SUFU: variants seen among roughly 807,000 people sequenced by gnomAD.
SUFU encodes SUFU negative regulator of hedgehog signaling.
SUFU carries 7 observed loss-of-function variants against 58.9 expected under a neutral mutation model. The ratio of observed to expected loss-of-function variants is 0.12; its 90% confidence interval spans 0.07 to 0.22. SUFU has a LOEUF of 0.22. SUFU is among the 10% of genes least tolerant of loss of function. The pLI, the probability that SUFU is intolerant of heterozygous loss-of-function variation, is 1.00. For missense variants in SUFU, 451 were observed against 641.3 expected (o/e 0.70, Z 3.20); for synonymous variants, 232 against 254.8 (o/e 0.91, Z 0.85).
chr10:102,560,296 G>A (rs941970720), intron 3 of SUFU, among the ~76,000 whole-genome samples: 2 of 152,130 alleles, frequency 1.3e-5, no homozygotes, highest in East Asian at 1.9e-4. Context: ...TTGACCAGGC[G>A]CAGTGGCTCA....
intron 2 of SUFU, among the ~76,000 whole-genome samples, chr10:102,547,807 GGAAA>G (rs1438710996): frequency 2.0e-5 from 3 of 151,740 alleles, no homozygotes; most frequent in Non-Finnish European, 2.9e-5. Context: ...ATGCTGTCTC[GGAAA>G]GAAAGAGAGA....
intron 3 of SUFU, among the ~76,000 whole-genome samples, chr10:102,577,065 T>C (rs909429573): frequency 2.7e-5 from 4 of 147,760 alleles, no homozygotes; most frequent in African/African-American, 7.5e-5. Flanking sequence ...AGTAGAAGCA[T>C]GTCCTGGATT....
intron 3 of SUFU, among the ~76,000 whole-genome samples, chr10:102,567,618 A>T (rs553419148): frequency 6.6e-6 from 1 of 152,308 alleles, no homozygotes; most frequent in East Asian, 1.9e-4. Flanking sequence ...TGGACAGATG[A>T]CAGTTGGAGC....
At chr10:102,593,406 A>T (rs1446653438) in intron 4 of SUFU, among the ~76,000 whole-genome samples, 1 of 152,208 alleles carries the variant, frequency 6.6e-6, no homozygotes, top group Non-Finnish European at 1.5e-5. Context: ...ATCCAGACAC[A>T]GCAAGGGCAA....
chr10:102,605,017 T>C (rs1176665882), intron 8 of SUFU, among the ~76,000 whole-genome samples: 1 of 147,476 alleles, frequency 6.8e-6, no homozygotes, highest in Admixed American at 6.9e-5. Context: ...CTGCAACCCC[T>C]GCCTCCTGTG....
At chr10:102,623,060 T>C (rs1201401567) in intron 10 of SUFU, among the ~76,000 whole-genome samples, 1 of 144,680 alleles carries the variant, frequency 6.9e-6, no homozygotes, top group African/African-American at 2.6e-5. Flanking sequence ...ATTCAGGAAG[T>C]GTGAATGGGG....
chr10:102,557,416 C>T (rs1040956907), intron 3 of SUFU, among the ~76,000 whole-genome samples: 4 of 151,906 alleles, frequency 2.6e-5, no homozygotes, highest in Non-Finnish European at 5.9e-5. Context: ...TGAAACCCCA[C>T]AGGGGTAGAG....
Position 102,619,077 on chromosome 10 carries a change from T to C in SUFU, c.1296+1649T>C. ...TTTGACATCCTCAGCTCTGAACCTA[T>C]CCTCGGAGCTCTGCCCTCCCGTCCT... is the stretch of plus-strand genomic sequence containing the variant. On this transcript the variant is annotated intron_variant, in intron 10 of 11. Transcript: ENST00000369902. The surrounding 1 kb of genome is among the most constrained non-coding windows in gnomAD (Gnocchi z 4.2). 2 of 1,612,650 alleles carry C rather than the reference T, an allele frequency of 1.2e-6. No individual in the cohort carries two copies. Among genetic ancestry groups the C allele is most frequent in the Middle Eastern group, 1.7e-4 (1 of 6,060 alleles).
intron 2 of SUFU, among the ~76,000 whole-genome samples, chr10:102,523,481 T>A (rs928497378): frequency 9.2e-5 from 14 of 152,226 alleles, no homozygotes; most frequent in African/African-American, 3.1e-4. Context: ...GCTGGCTGGC[T>A]GTGCTTTTGG....
chr10:102,575,927 T>G (rs1015469879), intron 3 of SUFU, among the ~76,000 whole-genome samples: 5 of 151,950 alleles, frequency 3.3e-5, no homozygotes, highest in Admixed American at 1.3e-4. Flanking sequence ...AGCCTCAACC[T>G]CCCGGGCTCA....
In SUFU at chr10:102,504,090, C is replaced by A; in HGVS notation, c.-63C>A. ...CACCCACCGAGTCCGCCCGCTGGCC[C>A]GTCAGTGCTCTCCCCGTCGTTTGCC... On this transcript the variant is annotated 5_prime_UTR_variant, in exon 1 of 12. Transcript: ENST00000369902. The A allele has an allele frequency of 6.7e-7, 1 of 1,495,658 alleles. No homozygotes were observed. The highest frequency in any genetic ancestry group is 1.3e-5 in the South Asian group (1 of 77,812). The allele number at this position is 1,495,658 out of a possible 1,614,324, so 92.6% of individuals were successfully genotyped here.
intron 10 of SUFU, among the ~76,000 whole-genome samples, chr10:102,622,570 G>A (rs190353708): frequency 2.0e-4 from 30 of 152,090 alleles, no homozygotes; most frequent in Admixed American, 1.4e-3. Flanking sequence ...GTAAAACCCC[G>A]TCTCTACTAA....
intron 11 of SUFU, 24 bp downstream of exon 11, chr10:102,627,267 A>C: frequency 6.2e-7 from 1 of 1,604,026 alleles, no homozygotes; most frequent in Non-Finnish European, 8.5e-7. Context: ...ACTTTTCCTG[A>C]CAACAGGTCC....
chr10:102,575,813 C>T (rs2135814803), intron 3 of SUFU, among the ~76,000 whole-genome samples: 1 of 152,222 alleles, frequency 6.6e-6, no homozygotes, highest in East Asian at 1.9e-4. Flanking sequence ...ATCTTTCCAA[C>T]ATTAAGTATA....
At chr10:102,599,880 A>G (rs1423444340) in intron 8 of SUFU, among the ~76,000 whole-genome samples, 1 of 152,110 alleles carries the variant, frequency 6.6e-6, no homozygotes, top group African/African-American at 2.4e-5. Flanking sequence ...TTCCCTCCTT[A>G]TCTCAGTCTT....
chr10:102,623,026 T>C (rs1466119050), intron 10 of SUFU, among the ~76,000 whole-genome samples: 1 of 148,616 alleles, frequency 6.7e-6, no homozygotes, highest in South Asian at 2.1e-4. Context: ...AGCATGGGCC[T>C]TGGCCTTACC....
Position 102,619,569 on chromosome 10 carries a change from C to T in SUFU, c.1296+2141C>T. On this transcript the variant is annotated intron_variant, in intron 10 of 11. Coordinates refer to ENST00000369902, the MANE Select transcript of SUFU (RefSeq NM_016169.4). The surrounding 1 kb of genome is among the most constrained non-coding windows in gnomAD (Gnocchi z 4.2). Reference sequence around the variant, plus strand: ...AGGCCCCACACCCCAAGCACCCACCCTTGATCACCGAGGGGTTTCTCAGGC... The same window carrying T: ...AGGCCCCACACCCCAAGCACCCACCTTTGATCACCGAGGGGTTTCTCAGGC... The T allele has an allele frequency of 1.0e-6, 1 of 964,304 alleles. No homozygotes were observed. The highest frequency in any genetic ancestry group is 1.3e-6 in the Non-Finnish European group (1 of 786,988). The allele number at this position is 964,304 out of a possible 1,614,324, so 59.7% of individuals were successfully genotyped here. A position where few individuals can be genotyped will look rare whatever the true frequency, so the allele number is the denominator to read the frequency against.
At chr10:102,563,629 G>A (rs895476291) in intron 3 of SUFU, among the ~76,000 whole-genome samples, 14 of 151,802 alleles carry the variant, frequency 9.2e-5, no homozygotes, top group African/African-American at 3.4e-4. Context: ...CCAGGATCAT[G>A]CCACTGCAGT....
chr10:102,565,680 G>A (rs1405819864), intron 3 of SUFU, among the ~76,000 whole-genome samples: 1 of 152,152 alleles, frequency 6.6e-6, no homozygotes, highest in Non-Finnish European at 1.5e-5. Context: ...GAGTAGCTGG[G>A]ACTACAGGTG....
Sources: gnomAD v4.1 joint callset for allele counts (sites outside exome capture counted in the v4.1 genomes callset) on GRCh38, gnomAD v4.1.1 for gene constraint, Gnocchi (gnomAD v3.1) non-coding constraint, MANE v1.5 for transcripts, NCBI Gene and HGNC (gene_info 2026-07-23, HGNC 2026-07-21) for gene names.